Variants in HECW1 observed in about 807,000 individuals in gnomAD.
HECW1 encodes HECT, C2 and WW domain containing E3 ubiquitin protein ligase 1, also known as E3 ubiquitin-protein ligase HECW1.
In HECW1, 61 loss-of-function variants were observed where a neutral mutation model predicts 182.3. That is an observed-to-expected ratio of 0.33 (90% CI 0.27 to 0.41). The LOEUF is 0.41. HECW1 is among the 10% of genes least tolerant of loss of function. The probability of loss-of-function intolerance (pLI) is 1.00; values close to 1 mark genes in which losing one functional copy is unlikely to be tolerated. For synonymous variants in HECW1, 859 were observed against 832.6 expected (o/e 1.03, Z -0.55); for missense variants, 1,739 against 2,108.9 (o/e 0.82, Z 3.44).
intron 24 of HECW1, chr7:43,522,978 C>A: frequency 2.3e-6 from 1 of 428,280 alleles, no homozygotes; most frequent in Non-Finnish European, 4.6e-6. Context: ...TGTGTGTTCT[C>A]TTTCCAAAGG....
rs2077906140 is a variant in HECW1, at chr7:43,469,044, T to G, written c.3038T>G (p.Phe1013Cys). 1.2e-6 allele frequency: 2 copies of G among 1,614,192 alleles called. No individual in the cohort carries two copies. Among genetic ancestry groups the G allele is most frequent in the Non-Finnish European group, 1.7e-6 (2 of 1,180,032 alleles). ...GACTTGGTGAATTTCATCAACATGTTCGCAGACACTCGGCTGGAACTGCCC... is the reference window on the plus strand; with the variant it reads ...GACTTGGTGAATTTCATCAACATGTGCGCAGACACTCGGCTGGAACTGCCC... ...NRDLVNFINM[F>C]ADTRLELPRG... The change falls in exon 16 of 30, where the codon TTC becomes TGC. Residue 1013 changes from phenylalanine (F) to cysteine (C), a missense_variant. By Grantham distance (205) the Phe-to-Cys change is radical. Around this residue, in one of 5 missense-constraint regions of HECW1, gnomAD observed 971 missense variants for 1,029.1 expected, o/e 0.94. Coordinates refer to ENST00000395891, the MANE Select transcript of HECW1 (RefSeq NM_015052.5).
At chr7:43,402,185 G>A (rs1334713382) in intron 7 of HECW1, among the ~76,000 whole-genome samples, 1 of 152,132 alleles carries the variant, frequency 6.6e-6, no homozygotes, top group Non-Finnish European at 1.5e-5. Flanking sequence ...CGCCAGACAA[G>A]GATCCAGATA....
chr7:43,448,721 G>T (rs1287033473), intron 11 of HECW1, among the ~76,000 whole-genome samples: 1 of 152,104 alleles, frequency 6.6e-6, no homozygotes, highest in Non-Finnish European at 1.5e-5. Flanking sequence ...CACATTATTA[G>T]GTATAAATCA....
At chr7:43,211,956 C>G (rs113916144) in intron 2 of HECW1, among the ~76,000 whole-genome samples, 7 of 152,308 alleles carry the variant, frequency 4.6e-5, no homozygotes, top group African/African-American at 1.7e-4. Context: ...CTTTACCTCT[C>G]CCTGTCTACT....
intron 3 of HECW1, among the ~76,000 whole-genome samples, chr7:43,290,631 G>A (rs999890441): frequency 1.3e-5 from 2 of 152,202 alleles, no homozygotes. Context: ...CATCCCGTCA[G>A]TTGGGCAATG....
Position 43,562,085 on chromosome 7 carries a change from A to T in HECW1, c.*159A>T. 1.7e-6 allele frequency: 1 copy of T among 595,984 alleles called. No individual in the cohort carries two copies. The allele number at this position is 595,984 out of a possible 1,614,324, so 36.9% of individuals were successfully genotyped here. A position where few individuals can be genotyped will look rare whatever the true frequency, so the allele number is the denominator to read the frequency against. On this transcript the variant is annotated 3_prime_UTR_variant, in exon 30 of 30. Transcript: ENST00000395891. ...GGATTGACAAAAGCTGTGCATGAAG[A>T]ACTGCCTTCTTCTAAGATCTAACCT...
At chr7:43,127,448 G>T (rs1001738176) in intron 2 of HECW1, among the ~76,000 whole-genome samples, 6 of 151,004 alleles carry the variant, frequency 4.0e-5, no homozygotes, top group Admixed American at 4.0e-4. Flanking sequence ...GCTTGAACCT[G>T]GGAGGCAGAG....
At chr7:43,442,884 A>G (rs1277579593) in intron 10 of HECW1, among the ~76,000 whole-genome samples, 1 of 152,234 alleles carries the variant, frequency 6.6e-6, no homozygotes, top group South Asian at 2.1e-4. Context: ...AATGAGGCCA[A>G]CATGGATAGG....
At chr7:43,174,097 T>C (rs1378953455) in intron 2 of HECW1, among the ~76,000 whole-genome samples, 1 of 152,186 alleles carries the variant, frequency 6.6e-6, no homozygotes, top group Non-Finnish European at 1.5e-5. Context: ...CACCTTGGCC[T>C]TCCTACATGC....
chr7:43,195,054 T>C (rs889604710), intron 2 of HECW1, among the ~76,000 whole-genome samples: 2 of 152,154 alleles, frequency 1.3e-5, no homozygotes, highest in African/African-American at 4.8e-5. Context: ...GAGATTTTTT[T>C]CCCAAGACTT....
At chr7:43,139,688 T>C (rs1033779245) in intron 2 of HECW1, among the ~76,000 whole-genome samples, 3 of 152,232 alleles carry the variant, frequency 2.0e-5, no homozygotes, top group Admixed American at 2.0e-4. Context: ...ATTCAAAAAT[T>C]TAACACAATT....
chr7:43,387,789 A>T (rs907857596), intron 6 of HECW1, among the ~76,000 whole-genome samples: 3 of 152,256 alleles, frequency 2.0e-5, no homozygotes, highest in Non-Finnish European at 4.4e-5. Flanking sequence ...GTGACCAGTT[A>T]TGTGACCTCG....
intron 23 of HECW1, 37 bp from the exon 24 acceptor site, chr7:43,508,932 A>C: frequency 6.2e-7 from 1 of 1,607,232 alleles, no homozygotes; most frequent in African/African-American, 1.3e-5. Context: ...ACCTCCGGGC[A>C]CAGAATGAGC....
intron 27 of HECW1, among the ~76,000 whole-genome samples, chr7:43,551,835 G>A (rs1447410024): frequency 6.6e-6 from 1 of 152,152 alleles, no homozygotes; most frequent in African/African-American, 2.4e-5. Flanking sequence ...CAAGGTACTA[G>A]CAGATTTGGT....
At chr7:43,539,853 A>T (rs1267919041) in intron 24 of HECW1, among the ~76,000 whole-genome samples, 1 of 152,146 alleles carries the variant, frequency 6.6e-6, no homozygotes, top group Non-Finnish European at 1.5e-5. Flanking sequence ...AACTGTTTTT[A>T]TACACAGGTT....
intron 2 of HECW1, among the ~76,000 whole-genome samples, chr7:43,234,604 G>C (rs1416131388): frequency 6.6e-6 from 1 of 152,038 alleles, no homozygotes; most frequent in Non-Finnish European, 1.5e-5. Flanking sequence ...TATCTTTGAA[G>C]CTTTTCCTGG....
intron 8 of HECW1, among the ~76,000 whole-genome samples, chr7:43,422,204 A>C (rs1202330552): frequency 6.6e-6 from 1 of 152,176 alleles, no homozygotes; most frequent in African/African-American, 2.4e-5. Flanking sequence ...TAACCAAAAC[A>C]TTACCAAACA....
At chr7:43,365,769 G>A (rs1816562553) in intron 6 of HECW1, among the ~76,000 whole-genome samples, 2 of 152,030 alleles carry the variant, frequency 1.3e-5, no homozygotes, top group Admixed American at 6.6e-5. Flanking sequence ...TAACTGAACA[G>A]CATAACATTC....
chr7:43,395,665 C>T (rs1196293713), intron 6 of HECW1, among the ~76,000 whole-genome samples: 1 of 152,232 alleles, frequency 6.6e-6, no homozygotes, highest in Admixed American at 6.5e-5. Flanking sequence ...CACATTTGGG[C>T]TTCAGGGCAG....
Sources: allele counts gnomAD v4.1 joint callset (sites outside exome capture counted in the v4.1 genomes callset), GRCh38; gene constraint gnomAD v4.1.1; regional missense constraint gnomAD v4.1.1; transcripts MANE v1.5; gene names NCBI Gene and HGNC (gene_info 2026-07-23, HGNC 2026-07-21).